The following ASPM variants were observed in gnomAD, a reference collection of about 807,000 sequenced individuals.
The protein encoded by ASPM is abnormal spindle-like microcephaly-associated protein.
A neutral mutation model predicts 366.4 loss-of-function variants in ASPM; 256 were observed. The observed-to-expected ratio is 0.70, with a 90% CI of 0.63 to 0.77. The LOEUF (loss-of-function observed/expected upper bound fraction) is 0.77, where lower values mean the gene tolerates loss of function less well. Among genes scored for constraint, ASPM ranks in the 30% least tolerant of loss-of-function variants. The pLI is 0.00. For missense variants in ASPM, 4,146 were observed against 4,090.4 expected, an observed-to-expected ratio of 1.01 and a Z score of -0.37; for synonymous variants, 1,414 against 1,342.9, an observed-to-expected ratio of 1.05 and a Z score of -1.16.
At position 197,117,861 on chromosome 1, in the gene ASPM, T is replaced by C. The variant is rs760272910; in HGVS notation, c.3993A>G (p.Ala1331=). The stretch of plus-strand genomic sequence containing the variant: ...TTTTTAACATTAATAATTTTCTCTG[T>C]GCTAAGACTCTTCGCCAATATTTCT... ...VIQKYWRRVL[A]QRKLLMLKKE... is the part of the protein sequence containing the mutation. The change falls in exon 17 of 28, where the codon GCA becomes GCG. Residue 1331 remains alanine, a synonymous_variant. Transcript: ENST00000367409. 1.2e-6 allele frequency: 2 copies of C among 1,613,600 alleles called. No homozygotes were observed. Among genetic ancestry groups the C allele is most frequent in the South Asian group, 2.2e-5 (2 of 91,078 alleles).
chr1:197,111,494 C>T (rs1015801167), intron 17 of ASPM, among the ~76,000 whole-genome samples: 6 of 152,012 alleles, frequency 3.9e-5, no homozygotes, highest in Admixed American at 6.6e-5. Flanking sequence ...TAAATTAGTT[C>T]GGCTACTTTG....
Position 197,100,731 on chromosome 1 carries a change from G to A in ASPM, c.8520C>T (p.Ala2840=). The part of the protein sequence containing the change: ...TRKLETQKCA[A]LRIQFFLQMA... ...TCTGAAGGAAGAACTGAATCCGTAG[G>A]GCAGCACATTTCTGTGTTTCCAGTT... Residue 2840 remains alanine (A), a synonymous_variant, in exon 18 of 28, where the codon GCC becomes GCT. Coordinates refer to ENST00000367409, the MANE Select transcript of ASPM (RefSeq NM_018136.5). 1.2e-6 allele frequency: 2 copies of A among 1,612,322 alleles called. No individual in the cohort carries two copies. Among genetic ancestry groups the A allele is most frequent in the African/African-American group, 1.3e-5 (1 of 74,854 alleles).
At chr1:197,146,095 G>A (rs755006617) in intron 1 of ASPM, 46 bp downstream of exon 1, 2 of 1,611,510 alleles carry the variant, frequency 1.2e-6, no homozygotes, top group Non-Finnish European at 1.7e-6. Flanking sequence ...GAAAGATAGC[G>A]GAGAAGCAGA....
intron 9 of ASPM, 88 bp downstream of exon 9, chr1:197,129,099 T>C (rs910227921): frequency 4.1e-6 from 6 of 1,478,426 alleles, no homozygotes; most frequent in Non-Finnish European, 5.6e-6. Flanking sequence ...AAAACTAATT[T>C]TTTTTCTAAA....
In ASPM at chr1:197,135,149, A is replaced by T. The variant is rs1553227015; in HGVS notation, c.2120T>A (p.Leu707Ter). 1 of 1,611,986 alleles carries T rather than the reference A, an allele frequency of 6.2e-7. No homozygotes were observed. The highest frequency in any genetic ancestry group is 1.1e-5 in the South Asian group (1 of 91,022). ...EKQEQGFTWW[L>*]NFILTPDDFT... is the part of the protein sequence containing the mutation. The stretch of plus-strand genomic sequence containing the variant: ...GTCATCAGGGGTTAATATAAAATTT[A>T]ACCACCAAGTGAAGCCCTGTTCCTG... Residue 707 changes from leucine (L) to a stop codon, truncating the protein, a stop_gained, in exon 5 of 28, where the codon TTA becomes TAA. Transcript: ENST00000367409. LOFTEE classifies it high-confidence loss of function.
intron 26 of ASPM, 65 bp downstream of exon 26, chr1:197,088,191 T>C (rs1406256862): frequency 1.3e-6 from 2 of 1,540,608 alleles, no homozygotes; most frequent in African/African-American, 1.4e-5. Flanking sequence ...AGGAAAACTA[T>C]AAAAGTCATA....
intron 10 of ASPM, among the ~76,000 whole-genome samples, chr1:197,126,405 A>C (rs1252864291): frequency 7.4e-6 from 1 of 135,328 alleles, no homozygotes; most frequent in Non-Finnish European, 1.5e-5. Context: ...GTGCCACTGC[A>C]CGCCAGCCTG....
chr1:197,093,257 T>C lies in ASPM; in HGVS notation c.9089A>G (p.His3030Arg), dbSNP rs1656847688. Reference protein sequence around the residue: ...AHEHFLMIKRHRAACLIQAHY... With the variant: ...AHEHFLMIKRRRAACLIQAHY... ...TGCTTGGATCAAACAAGCAGCTCGATGTCTCTATAAGGAAAAATTTACAAG... is the reference window on the plus strand; with the variant it reads ...TGCTTGGATCAAACAAGCAGCTCGACGTCTCTATAAGGAAAAATTTACAAG... Residue 3030 changes from histidine (H) to arginine (R), a missense_variant, in exon 21 of 28, where the codon CAT becomes CGT. Around this residue, in one of 3 missense-constraint regions of ASPM, gnomAD observed 3,624 missense variants for 3,591.7 expected, o/e 1.01. Coordinates refer to ENST00000367409, the MANE Select transcript of ASPM (RefSeq NM_018136.5). 2 of 1,611,404 alleles carry C rather than the reference T, an allele frequency of 1.2e-6. No individual in the cohort carries two copies. The highest frequency in any genetic ancestry group is 2.7e-5 in the African/African-American group (2 of 74,814).
At position 197,102,869 on chromosome 1, in the gene ASPM, T is replaced by A; in HGVS notation, c.6382A>T (p.Lys2128Ter). The A allele has an allele frequency of 1.9e-6, 3 of 1,612,650 alleles. No homozygotes were observed. The highest frequency in any genetic ancestry group is 2.5e-6 in the Non-Finnish European group (3 of 1,179,276). Reference sequence around the variant, plus strand: ...TAACTTATTCTTGACTGATGCATTTTAAACATGGCTTTAATAAAAGTGGCT... The same window carrying A: ...TAACTTATTCTTGACTGATGCATTTAAAACATGGCTTTAATAAAAGTGGCT... ...RAATFIKAMF[K>*]MHQSRISYHT... Residue 2128 changes from lysine to a stop codon, truncating the protein, a stop_gained, in exon 18 of 28, where the codon AAA becomes TAA. Coordinates refer to ENST00000367409, the MANE Select transcript of ASPM (RefSeq NM_018136.5). LOFTEE classifies it high-confidence loss of function.
Position 197,090,340 on chromosome 1 carries a change from T to C in ASPM, c.9685A>G (p.Ile3229Val), listed in dbSNP as rs1422137830. 6.8e-6 allele frequency: 11 copies of C among 1,612,494 alleles called. No individual in the cohort carries two copies. Among genetic ancestry groups the C allele is most frequent in the Non-Finnish European group, 9.3e-6 (11 of 1,179,074 alleles). Residue 3229 changes from isoleucine (I) to valine (V), a missense_variant, in exon 24 of 28, where the codon ATT becomes GTT. This residue lies in a region of ASPM where 3,624 missense variants were observed against 3,591.7 expected (regional missense o/e 1.01). Coordinates refer to ENST00000367409, the MANE Select transcript of ASPM (RefSeq NM_018136.5). ...SWRKKNDCTK[I>V]KAIRLSLQVV... ...TGAAGACTTAGTCGTATAGCTTTAA[T>C]TTTTGTACAATCATTTTTCTTCCTC... is the stretch of plus-strand genomic sequence containing the variant.
In ASPM at chr1:197,090,201, T is replaced by C; in HGVS notation, c.9824A>G (p.His3275Arg). ...ACATGTTAACACAAACTAACCTAGG[T>C]GTTTTAAGGCCTCAAGAATGGCAGA... The part of the protein sequence containing the change: ...HLSAILEALK[H>R]LEVVTRLSPL... The change falls in exon 24 of 28, where the codon CAC (histidine) becomes CGC (arginine). Residue 3275 changes from histidine (H) to arginine (R), a missense_variant. His to Arg is a conservative substitution (Grantham distance 29). This residue lies in a region of ASPM where 3,624 missense variants were observed against 3,591.7 expected (regional missense o/e 1.01). Transcript: ENST00000367409. 1 of 1,613,190 alleles carries C rather than the reference T, an allele frequency of 6.2e-7. No homozygotes were observed. Among genetic ancestry groups the C allele is most frequent in the Non-Finnish European group, 8.5e-7 (1 of 1,179,450 alleles).
rs764719097 is a variant in ASPM at position 197,102,363 on chromosome 1, A to G, written c.6888T>C (p.Tyr2296=). ...GATGCTTTGTACAAAGATGTGCCCGATATTTTCTCTGAATCAAAATAGCAG... is the reference window on the plus strand; with the variant it reads ...GATGCTTTGTACAAAGATGTGCCCGGTATTTTCTCTGAATCAAAATAGCAG... ...KKTAILIQRK[Y]RAHLCTKHHL... Residue 2296 remains tyrosine, a synonymous_variant, in exon 18 of 28, where the codon TAT becomes TAC. Transcript: ENST00000367409. 6.2e-7 allele frequency: 1 copy of G among 1,612,796 alleles called. No homozygotes were observed. Among genetic ancestry groups the G allele is most frequent in the African/African-American group, 1.3e-5 (1 of 74,900 alleles).
In ASPM at chr1:197,090,310, C is replaced by T. The variant is rs761524939; in HGVS notation, c.9715G>A (p.Val3239Ile). The change falls in exon 24 of 28, where the codon GTT becomes ATT. Residue 3239 changes from valine (V) to isoleucine (I), a missense_variant. Val to Ile is a conservative substitution (Grantham distance 29). Coordinates refer to ENST00000367409, the MANE Select transcript of ASPM (RefSeq NM_018136.5). The part of the protein sequence containing the change: ...IKAIRLSLQV[V>I]NREIREENKL... ...TTTTCTTCTCGAATCTCCCTATTAA[C>T]AACTTGAAGACTTAGTCGTATAGCT... 1 of 1,612,970 alleles carries T rather than the reference C, an allele frequency of 6.2e-7. No homozygotes were observed. The highest frequency in any genetic ancestry group is 1.1e-5 in the South Asian group (1 of 91,052).
chr1:197,139,261 C>T lies in ASPM; in HGVS notation c.2026+506G>A, dbSNP rs1658510633. ...CGGCCTCTGACCATCCTTTTACCAA[C>T]TTTCACTTCATCCATACTCCCTACC... On this transcript the variant is annotated intron_variant, in intron 4 of 27. Transcript: ENST00000367409. 6.4e-6 allele frequency: 6 copies of T among 943,714 alleles called. No homozygotes were observed. In the South Asian group the frequency reaches 7.7e-5, roughly 12 times the overall value. 58.5% of individuals were successfully genotyped at this position (943,714 alleles called of 1,614,324 possible). A position where few individuals can be genotyped will look rare whatever the true frequency, so the allele number is the denominator to read the frequency against.
In ASPM at chr1:197,102,900, G is replaced by A. The variant is rs769102245; in HGVS notation, c.6351C>T (p.His2117=). 66 of 1,612,650 alleles carry A rather than the reference G, an allele frequency of 4.1e-5. 1 individual carries two copies. The East Asian group carries it at 1.2e-3, about 29-fold the overall frequency. The change falls in exon 18 of 28, where the codon CAC becomes CAT. Residue 2117 remains histidine, a synonymous_variant. Transcript: ENST00000367409. ...IRVRRHIQHM[H]RAATFIKAMF... ...TGGCTTTAATAAAAGTGGCTGCCCT[G>A]TGCATGTGTTGAATATGTCTTCTAA...
In ASPM at chr1:197,129,241, A is replaced by C; in HGVS notation, c.2706T>G (p.Ile902Met). The change falls in exon 9 of 28, where the codon ATT (isoleucine) becomes ATG (methionine). Residue 902 changes from isoleucine to methionine, a missense_variant. Physicochemically the swap from Ile to Met is conservative, Grantham distance 10 (BLOSUM62 1). Around this residue, in one of 3 missense-constraint regions of ASPM, gnomAD observed 3,624 missense variants for 3,591.7 expected, o/e 1.01. Coordinates refer to ENST00000367409, the MANE Select transcript of ASPM (RefSeq NM_018136.5). ...AAGGATCATGATCAATGAGTCTGGA[A>C]ATTTTAGCATAATCAAGAAAACAGA... The part of the protein sequence containing the change: ...LLVCFLDYAK[I>M]SRLIDHDPCL... 6.2e-7 allele frequency: 1 copy of C among 1,612,646 alleles called. No homozygotes were observed. The highest frequency in any genetic ancestry group is 8.5e-7 in the Non-Finnish European group (1 of 1,178,832).
chr1:197,142,906 G>A lies in ASPM; in HGVS notation c.1346C>T (p.Ala449Val). 6.2e-7 allele frequency: 1 copy of A among 1,613,696 alleles called. No individual in the cohort carries two copies. Among genetic ancestry groups the A allele is most frequent in the Non-Finnish European group, 8.5e-7 (1 of 1,179,630 alleles). Reference protein sequence around the residue: ...PECQGSKSPKAIFEELVEMKS... With the variant: ...PECQGSKSPKVIFEELVEMKS... ...CATTTCTACTAGTTCTTCAAAAATA[G>A]CTTTGGGAGATTTTGAACCCTGACA... Residue 449 changes from alanine to valine, a missense_variant, in exon 3 of 28, where the codon GCT becomes GTT. Around this residue, in one of 3 missense-constraint regions of ASPM, gnomAD observed 3,624 missense variants for 3,591.7 expected, o/e 1.01. Coordinates refer to ENST00000367409, the MANE Select transcript of ASPM (RefSeq NM_018136.5).
intron 27 of ASPM, among the ~76,000 whole-genome samples, chr1:197,086,030 T>C (rs1467704628): frequency 6.6e-6 from 1 of 152,166 alleles, no homozygotes; most frequent in East Asian, 1.9e-4. Context: ...ATGGTCCCAT[T>C]AATATATTTC....
At chr1:197,144,739 T>C (rs1658712856) in intron 1 of ASPM, among the ~76,000 whole-genome samples, 1 of 151,894 alleles carries the variant, frequency 6.6e-6, no homozygotes, top group Admixed American at 6.6e-5. Flanking sequence ...ATGCCAGAGT[T>C]TGGACTTTAA....
Sources: gnomAD v4.1 joint callset for allele counts (sites outside exome capture counted in the v4.1 genomes callset) on GRCh38, gnomAD v4.1.1 for gene constraint, gnomAD v4.1.1 regional missense constraint, MANE v1.5 for transcripts, NCBI Gene and HGNC (gene_info 2026-07-23, HGNC 2026-07-21) for gene names.